Variants in GPC5 observed in about 807,000 individuals in gnomAD.
GPC5 encodes the protein glypican 5.
A neutral mutation model predicts 53.9 loss-of-function variants in GPC5; 47 were observed. That is an observed-to-expected ratio of 0.87 (90% CI 0.69 to 1.11). The LOEUF is 1.11. GPC5 is among the 50% of genes most tolerant of loss of function. The probability of loss-of-function intolerance (pLI) is 0.00; values close to 1 mark genes in which losing one functional copy is unlikely to be tolerated. For synonymous variants in GPC5, 286 were observed against 263.3 expected, an observed-to-expected ratio of 1.09 and a Z score of -0.84; for missense variants, 748 against 713.1, an observed-to-expected ratio of 1.05 and a Z score of -0.56.
chr13:92,107,937 T>C (rs544564661), intron 6 of GPC5, among the ~76,000 whole-genome samples: 2 of 152,336 alleles, frequency 1.3e-5, no homozygotes, highest in East Asian at 3.9e-4. Flanking sequence ...CATCCAATAC[T>C]AATTTGTCCA....
chr13:92,725,937 C>A (rs188632408), intron 7 of GPC5, among the ~76,000 whole-genome samples: 1 of 151,742 alleles, frequency 6.6e-6, no homozygotes, highest in Admixed American at 6.6e-5. Context: ...ACATTGCATG[C>A]TAGGTCACAA....
At chr13:92,793,174 C>A (rs1039248479) in intron 7 of GPC5, among the ~76,000 whole-genome samples, 2 of 151,834 alleles carry the variant, frequency 1.3e-5, no homozygotes, top group Non-Finnish European at 2.9e-5. Flanking sequence ...ACAGAAATCA[C>A]AACAAACTGT....
At chr13:91,565,394 TAGAG>T in intron 2 of GPC5, among the ~76,000 whole-genome samples, 1 of 152,328 alleles carries the variant, frequency 6.6e-6, no homozygotes, top group Non-Finnish European at 1.5e-5. Context: ...GCACAGTTGT[TAGAG>T]AAAGTTTGGA....
intron 7 of GPC5, among the ~76,000 whole-genome samples, chr13:92,692,759 T>TTTTTTTTTTTTTTTTTTTTTTTTGTTTG (rs1566366407): frequency 7.0e-6 from 1 of 142,186 alleles, no homozygotes; most frequent in African/African-American, 2.6e-5. Context: ...CGGCTATTTT[T>TTTTTTTTTTTTTTTTTTTTTTTTGTTTG]TTTTTTTTTT....
chr13:92,008,439 G>T (rs1372219335), intron 6 of GPC5, among the ~76,000 whole-genome samples: 1 of 150,460 alleles, frequency 6.6e-6, no homozygotes, highest in Middle Eastern at 3.5e-3. Flanking sequence ...TTTCCATCTG[G>T]TGTCATTTTT....
At chr13:91,772,452 T>C (rs2037640878) in intron 5 of GPC5, among the ~76,000 whole-genome samples, 1 of 152,164 alleles carries the variant, frequency 6.6e-6, no homozygotes, top group Non-Finnish European at 1.5e-5. Flanking sequence ...CAGTACATAA[T>C]CATACATTTG....
chr13:92,200,917 T>G (rs900390661), intron 7 of GPC5, among the ~76,000 whole-genome samples: 1 of 151,950 alleles, frequency 6.6e-6, no homozygotes, highest in African/African-American at 2.4e-5. Context: ...AGGACACATT[T>G]CCCAGAATAA....
chr13:92,785,042 C>T (rs564542566), intron 7 of GPC5, among the ~76,000 whole-genome samples: 92 of 152,160 alleles, frequency 6.0e-4, no homozygotes, highest in Non-Finnish European at 1.1e-3. Flanking sequence ...TTTGGGAGGC[C>T]GAGGCGTGTG....
chr13:91,700,962 T>C (rs2139853996), intron 3 of GPC5, among the ~76,000 whole-genome samples: 1 of 152,306 alleles, frequency 6.6e-6, no homozygotes, highest in East Asian at 1.9e-4. Flanking sequence ...TTCAGGTGCA[T>C]CACTGATGCT....
chr13:92,237,865 TG>T (rs2042581672), intron 7 of GPC5, among the ~76,000 whole-genome samples: 1 of 152,132 alleles, frequency 6.6e-6, no homozygotes, highest in Admixed American at 6.5e-5. Flanking sequence ...ATCTACTTTC[TG>T]TCTTAATAGA....
chr13:91,421,727 C>T (rs1214808339), intron 1 of GPC5, among the ~76,000 whole-genome samples: 1 of 152,148 alleles, frequency 6.6e-6, no homozygotes, highest in African/African-American at 2.4e-5. Context: ...AGGACTGTCA[C>T]CCTCAGTACA....
chr13:92,454,940 A>G (rs781561397), intron 7 of GPC5, among the ~76,000 whole-genome samples: 3 of 152,248 alleles, frequency 2.0e-5, no homozygotes, highest in South Asian at 2.1e-4. Context: ...AACATAGGCT[A>G]TTATAATCAT....
At chr13:92,182,967 T>A (rs1286910003) in intron 7 of GPC5, among the ~76,000 whole-genome samples, 1 of 152,196 alleles carries the variant, frequency 6.6e-6, no homozygotes, top group African/African-American at 2.4e-5. Context: ...TAGTCTCAGT[T>A]TACTGGGTAT....
chr13:92,687,975 T>G (rs1887291293), intron 7 of GPC5, among the ~76,000 whole-genome samples: 1 of 60,916 alleles, frequency 1.6e-5, no homozygotes, highest in Non-Finnish European at 2.6e-5. Context: ...GCCAGTATTT[T>G]ATTGAGGATT....
chr13:92,615,212 C>T (rs1307571553), intron 7 of GPC5, among the ~76,000 whole-genome samples: 1 of 152,164 alleles, frequency 6.6e-6, no homozygotes, highest in African/African-American at 2.4e-5. Context: ...CCACTGCTTC[C>T]TTTACCATAG....
intron 7 of GPC5, among the ~76,000 whole-genome samples, chr13:92,591,990 GGCTGGCAGTA>G (rs1295089234): frequency 6.6e-6 from 1 of 152,192 alleles, no homozygotes; most frequent in Non-Finnish European, 1.5e-5. Flanking sequence ...TCCCTGAAGT[GGCTGGCAGTA>G]TGCTAGGCCT....
Position 91,398,922 on chromosome 13 carries a change from C to A in GPC5, c.-125C>A. 24 of 1,295,054 alleles carry A rather than the reference C, an allele frequency of 1.9e-5. No individual in the cohort carries two copies. Among genetic ancestry groups the A allele is most frequent in the Non-Finnish European group, 2.5e-5 (24 of 971,634 alleles). 80.2% of individuals were successfully genotyped at this position (1,295,054 alleles called of 1,614,324 possible). On this transcript the variant is annotated 5_prime_UTR_variant, in exon 1 of 8. Transcript: ENST00000377067. Reference sequence around the variant, plus strand: ...AGCCGGTGCCCGCGGGCGGTCCGTACACCCCGCAGCCGGCTCGCACCGCTC... The same window carrying A: ...AGCCGGTGCCCGCGGGCGGTCCGTAAACCCCGCAGCCGGCTCGCACCGCTC...
In GPC5 at chr13:92,283,977, A is replaced by G. The variant is rs184454324; in HGVS notation, c.1561+138988A>G. On this transcript the variant is annotated intron_variant, in intron 7 of 7. Transcript: ENST00000377067. ...ATCTGGTTTTTTGAAAAGATCAACA[A>G]AATTGATAGACCGCTAGCAAGACTA... Among the ~76,000 whole-genome samples, 134 of 152,332 alleles carry G rather than the reference A, an allele frequency of 8.8e-4. No homozygotes were observed. The East Asian group carries it at 0.011, about 13-fold the overall frequency.
rs71272293 is a variant in GPC5 at position 92,451,485 on chromosome 13, T to TA, written c.1561+306506dup. Among the ~76,000 whole-genome samples, 759 of 147,904 alleles carry TA rather than the reference T, an allele frequency of 5.1e-3. 1 individual carries two copies. The highest frequency in any genetic ancestry group is 8.1e-3 in the Non-Finnish European group (543 of 66,746). Reference sequence around the variant, plus strand: ...ATATTAGCTCAACACTTCAACAGATTAAAAAAAAAACACCGAAATAATTTT... The same window carrying TA: ...ATATTAGCTCAACACTTCAACAGATTAAAAAAAAAAACACCGAAATAATTTT... On this transcript the variant is annotated intron_variant, in intron 7 of 7. Transcript: ENST00000377067.
Sources: allele counts gnomAD v4.1 joint callset (sites outside exome capture counted in the v4.1 genomes callset), GRCh38; gene constraint gnomAD v4.1.1; transcripts MANE v1.5; gene names NCBI Gene and HGNC (gene_info 2026-07-23, HGNC 2026-07-21).